Variants in NOPCHAP1 observed in about 807,000 individuals in gnomAD.
NOPCHAP1 encodes the protein DNA damage-sensitive RNA 1.
In NOPCHAP1, 13 loss-of-function variants were observed where a neutral mutation model predicts 14.0. That is an observed-to-expected ratio of 0.93 (90% CI 0.60 to 1.47). The LOEUF (loss-of-function observed/expected upper bound fraction) is 1.47. NOPCHAP1 is among the 40% of genes most tolerant of loss of function. The pLI is 0.00. For synonymous variants in NOPCHAP1, 78 were observed against 78.4 expected, an observed-to-expected ratio of 1.00 and a Z score of 0.03; for missense variants, 230 against 226.9, an observed-to-expected ratio of 1.01 and a Z score of -0.09.
Position 105,001,126 on chromosome 12 carries a change from A to C in NOPCHAP1, c.*6430A>C, listed in dbSNP as rs1410645979. ...ATGGTAATACCATTGTGTTCGATTA[A>C]CTGTTTTAGCTGTTTTATAACTTGT... On this transcript the variant is annotated 3_prime_UTR_variant, in exon 4 of 4. Transcript: ENST00000552951. 2.6e-5 allele frequency: 4 copies of C among 152,030 alleles called. No homozygotes were observed. 9.4% of individuals were successfully genotyped at this position (152,030 alleles called of 1,614,324 possible). A position where few individuals can be genotyped will look rare whatever the true frequency, so the allele number is the denominator to read the frequency against.
rs935835870 is a variant in NOPCHAP1 at position 105,015,341 on chromosome 12, G to C, written c.*20645G>C. ...TTAGCATAGTGTGTGGTGCACAGTAGGCATGGAATAATGATAATAAATGGA... is the reference window on the plus strand; with the variant it reads ...TTAGCATAGTGTGTGGTGCACAGTACGCATGGAATAATGATAATAAATGGA... On this transcript the variant is annotated 3_prime_UTR_variant, in exon 4 of 4. Transcript: ENST00000552951. 2 of 152,184 alleles carry C rather than the reference G, an allele frequency of 1.3e-5. No individual in the cohort carries two copies. The highest frequency in any genetic ancestry group is 4.8e-5 in the African/African-American group (2 of 41,438). 9.4% of individuals were successfully genotyped at this position (152,184 alleles called of 1,614,324 possible).
In NOPCHAP1 at chr12:104,998,529, C is replaced by T. The variant is rs1014996529; in HGVS notation, c.*3833C>T. Reference sequence around the variant, plus strand: ...GGCCCCTGGCTTTGTTCTCTGGCCACTGGAGGTTAGGTACCTGCTGTGCTA... The same window carrying T: ...GGCCCCTGGCTTTGTTCTCTGGCCATTGGAGGTTAGGTACCTGCTGTGCTA... On this transcript the variant is annotated 3_prime_UTR_variant, in exon 4 of 4. Coordinates refer to ENST00000552951, the MANE Select transcript of NOPCHAP1 (RefSeq NM_152318.3). The T allele has an allele frequency of 2.0e-5, 3 of 152,236 alleles. No homozygotes were observed. Among genetic ancestry groups the T allele is most frequent in the Non-Finnish European group, 4.4e-5 (3 of 68,096 alleles). The allele number at this position is 152,236 out of a possible 1,614,324, so 9.4% of individuals were successfully genotyped here.
rs1873680774 is a variant in NOPCHAP1 at position 105,005,022 on chromosome 12, C to A, written c.*10326C>A. ...AGTGGATCATCATTAAAGACTTCAT[C>A]CTCATTGTCTTCAGGTTGAGTAGGT... On this transcript the variant is annotated 3_prime_UTR_variant, in exon 4 of 4. Transcript: ENST00000552951. 6.6e-6 allele frequency: 1 copy of A among 152,126 alleles called. No individual in the cohort carries two copies. Among genetic ancestry groups the A allele is most frequent in the African/African-American group, 2.4e-5 (1 of 41,406 alleles). The allele number at this position is 152,126 out of a possible 1,614,324, so 9.4% of individuals were successfully genotyped here.
At chr12:104,991,885 G>C in intron 3 of NOPCHAP1, 37 bp downstream of exon 3, 1 of 1,567,212 alleles carries the variant, frequency 6.4e-7, no homozygotes, top group Non-Finnish European at 8.6e-7. Context: ...GAAATTACTG[G>C]TCTGCCTGTC....
At chr12:104,991,313 A>G (rs1011081377) in intron 2 of NOPCHAP1, among the ~76,000 whole-genome samples, 1 of 152,328 alleles carries the variant, frequency 6.6e-6, no homozygotes, top group South Asian at 2.1e-4. Context: ...AGAAATAACC[A>G]CTACTTAATT....
rs1007067511 is a variant in NOPCHAP1 at position 104,995,356 on chromosome 12, A to G, written c.*660A>G. 6 of 152,368 alleles carry G rather than the reference A, an allele frequency of 3.9e-5. No homozygotes were observed. The highest frequency in any genetic ancestry group is 1.4e-4 in the African/African-American group (6 of 41,460). The allele number at this position is 152,368 out of a possible 1,614,324, so 9.4% of individuals were successfully genotyped here. A position where few individuals can be genotyped will look rare whatever the true frequency, so the allele number is the denominator to read the frequency against. On this transcript the variant is annotated 3_prime_UTR_variant, in exon 4 of 4. Transcript: ENST00000552951. ...ATGCATATGGTGGCAGTGTCCAAAGAAACAATAGTGTCAGCTACAAATTGT... is the reference window on the plus strand; with the variant it reads ...ATGCATATGGTGGCAGTGTCCAAAGGAACAATAGTGTCAGCTACAAATTGT...
At position 105,001,253 on chromosome 12, in the gene NOPCHAP1, A is replaced by G. The variant is rs150122698; in HGVS notation, c.*6557A>G. The G allele has an allele frequency of 4.7e-4, 71 of 152,320 alleles. No individual in the cohort carries two copies. The East Asian group carries it at 0.01, about 22-fold the overall frequency. The allele number at this position is 152,320 out of a possible 1,614,324, so 9.4% of individuals were successfully genotyped here. On this transcript the variant is annotated 3_prime_UTR_variant, in exon 4 of 4. Coordinates refer to ENST00000552951, the MANE Select transcript of NOPCHAP1 (RefSeq NM_152318.3). ...ATTGTCATAGCATTGGCCTTCCTAC[A>G]TGATAAAGCTTCTATCCGTCTAGAG...
At chr12:104,994,425 G>A (rs565389650) in intron 3 of NOPCHAP1, 53 bp from the exon 4 acceptor site, 35 of 1,451,854 alleles carry the variant, frequency 2.4e-5, no homozygotes, top group South Asian at 3.4e-5. Context: ...GTTTTATTAC[G>A]ACTTTTTAAG....
Position 105,016,529 on chromosome 12 carries a change from A to C in NOPCHAP1, c.*21833A>C, listed in dbSNP as rs908590110. The C allele has an allele frequency of 6.5e-6, 1 of 152,880 alleles. No homozygotes were observed. Among genetic ancestry groups the C allele is most frequent in the Non-Finnish European group, 1.5e-5 (1 of 68,534 alleles). The allele number at this position is 152,880 out of a possible 1,614,324, so 9.5% of individuals were successfully genotyped here. ...AGGAAAGGAGGTTTAATGGACTCAC[A>C]GTTCCACATGGCTGAGGAGACCTCA... On this transcript the variant is annotated 3_prime_UTR_variant, in exon 4 of 4. Coordinates refer to ENST00000552951, the MANE Select transcript of NOPCHAP1 (RefSeq NM_152318.3).
chr12:104,991,666 G>A, intron 2 of NOPCHAP1, 46 bp from the exon 3 acceptor site: 1 of 1,538,988 alleles, frequency 6.5e-7, no homozygotes, highest in Non-Finnish European at 8.7e-7. Context: ...CTGGGTTTCA[G>A]AATTTACTAG....
intron 3 of NOPCHAP1, among the ~76,000 whole-genome samples, chr12:104,992,847 A>G (rs1239717851): frequency 1.3e-5 from 2 of 152,152 alleles, no homozygotes; most frequent in African/African-American, 4.8e-5. Flanking sequence ...TTTCATCCCC[A>G]AAACATCCCT....
chr12:104,989,940 A>G (rs575712346), intron 2 of NOPCHAP1, among the ~76,000 whole-genome samples: 3 of 152,230 alleles, frequency 2.0e-5, no homozygotes, highest in African/African-American at 7.2e-5. Flanking sequence ...TAGAAGTTTG[A>G]GACTGTTTAC....
rs1873951301 is a variant in NOPCHAP1 at position 105,016,609 on chromosome 12, A to G, written c.*21913A>G. ...AGTCATGTCTTACATGGCAGCAGGC[A>G]AGAGAGCTTGTGTAGGGGAGCTCCC... On this transcript the variant is annotated 3_prime_UTR_variant, in exon 4 of 4. Transcript: ENST00000552951. The G allele has an allele frequency of 6.6e-6, 1 of 152,242 alleles. No homozygotes were observed. Among genetic ancestry groups the G allele is most frequent in the African/African-American group, 2.4e-5 (1 of 41,448 alleles). 9.4% of individuals were successfully genotyped at this position (152,242 alleles called of 1,614,324 possible). A position where few individuals can be genotyped will look rare whatever the true frequency, so the allele number is the denominator to read the frequency against.
rs1435909909 is a variant in NOPCHAP1, at chr12:105,012,834, G to A, written c.*18138G>A. On this transcript the variant is annotated 3_prime_UTR_variant, in exon 4 of 4. Transcript: ENST00000552951. ...CAGAGGCTGCAGAACAGCAAAAATT[G>A]CTGCCTGTTCCTTCCTCTGGAAGCT... The A allele has an allele frequency of 6.6e-6, 1 of 152,540 alleles. No homozygotes were observed. The highest frequency in any genetic ancestry group is 1.5e-5 in the Non-Finnish European group (1 of 68,324). The allele number at this position is 152,540 out of a possible 1,614,324, so 9.4% of individuals were successfully genotyped here. A position where few individuals can be genotyped will look rare whatever the true frequency, so the allele number is the denominator to read the frequency against.
rs369173579 is a variant in NOPCHAP1, at chr12:104,994,694, T to A, written c.556T>A (p.Ter186LysextTer56). 4 of 1,598,872 alleles carry A rather than the reference T, an allele frequency of 2.5e-6. No homozygotes were observed. In the African/African-American group the frequency reaches 4.0e-5, roughly 16 times the overall value. Residue 186 changes from the stop codon to lysine, a stop_lost, in exon 4 of 4, where the codon TAG (stop) becomes AAG (lysine). Coordinates refer to ENST00000552951, the MANE Select transcript of NOPCHAP1 (RefSeq NM_152318.3). ...CAGTCCAGCAAGTAAAAAAAAGAAA[T>A]AGTCAAATAAATTATCTGAAAAGAA... ...LDSPASKKKK[*>K]
Position 105,008,818 on chromosome 12 carries a change from C to CTCTGT in NOPCHAP1, c.*14134_*14138dup, listed in dbSNP as rs1873757766. On this transcript the variant is annotated 3_prime_UTR_variant, in exon 4 of 4. Transcript: ENST00000552951. ...AGATGTGTGGTATTATTTCTGAGGC[C>CTCTGT]TCTGTTCTGTTCTGTTGGCCTGTAT... The CTCTGT allele has an allele frequency of 6.6e-6, 1 of 151,996 alleles. No individual in the cohort carries two copies. The highest frequency in any genetic ancestry group is 6.6e-5 in the Admixed American group (1 of 15,266). The allele number at this position is 151,996 out of a possible 1,614,324, so 9.4% of individuals were successfully genotyped here. A position where few individuals can be genotyped will look rare whatever the true frequency, so the allele number is the denominator to read the frequency against.
rs544099774 is a variant in NOPCHAP1 at position 104,994,356 on chromosome 12, C to A, written c.340-122C>A. ...AGCAAGACTCTGTCTCCAAAAAAAA[C>A]CAAATTCTTATCCTTTATGTTTCAA... On this transcript the variant is annotated intron_variant, in intron 3 of 3. Transcript: ENST00000552951. 16 of 994,648 alleles carry A rather than the reference C, an allele frequency of 1.6e-5. No individual in the cohort carries two copies. The East Asian group carries it at 3.1e-4, about 19-fold the overall frequency. 61.6% of individuals were successfully genotyped at this position (994,648 alleles called of 1,614,324 possible).
At chr12:104,992,380 G>A (rs1351544333) in intron 3 of NOPCHAP1, among the ~76,000 whole-genome samples, 4 of 152,138 alleles carry the variant, frequency 2.6e-5, no homozygotes, top group Non-Finnish European at 5.9e-5. Flanking sequence ...TACAACCTCT[G>A]CAGTTCCTTT....
intron 2 of NOPCHAP1, among the ~76,000 whole-genome samples, chr12:104,991,452 A>G (rs1357020482): frequency 6.6e-6 from 1 of 152,174 alleles, no homozygotes; most frequent in Non-Finnish European, 1.5e-5. Context: ...TTTAGTTACT[A>G]TTTGTTGAAT....
Sources: gnomAD v4.1 joint callset for allele counts (sites outside exome capture counted in the v4.1 genomes callset) on GRCh38, gnomAD v4.1.1 for gene constraint, MANE v1.5 for transcripts, NCBI Gene and HGNC (gene_info 2026-07-23, HGNC 2026-07-21) for gene names.